The following TTLL11 variants were observed in gnomAD, a reference collection of about 807,000 sequenced individuals.
TTLL11 encodes the protein tubulin tyrosine ligase like 11.
TTLL11 carries 42 observed loss-of-function variants against 51.7 expected under a neutral mutation model. The ratio of observed to expected loss-of-function variants is 0.81; its 90% CI spans 0.64 to 1.05. The LOEUF is 1.05. TTLL11 is among the 50% of genes least tolerant of loss of function. The pLI, the probability that TTLL11 is intolerant of heterozygous loss-of-function variation, is 0.00. For missense variants in TTLL11, 799 were observed against 940.4 expected, an observed-to-expected ratio of 0.85 and a Z score of 1.97; for synonymous variants, 381 against 383.5, an observed-to-expected ratio of 0.99 and a Z score of 0.08.
rs754727568 is a variant in TTLL11 at position 121,820,997 on chromosome 9, A to G, written c.*1590T>C. 3.3e-5 allele frequency among the ~76,000 whole-genome samples: 5 copies of G among 151,798 alleles called. No individual in the cohort carries two copies. The highest frequency in any genetic ancestry group is 5.9e-5 in the Non-Finnish European group (4 of 67,972). ...GGGGAAACAGGTTTTCCTCTTTGAG[A>G]GGGTGAACTCCTGGCAGGAAGGAGC... On this transcript the variant is annotated 3_prime_UTR_variant, in exon 9 of 9. Transcript: ENST00000321582.
chr9:121,978,670 C>T (rs1260414188), intron 4 of TTLL11, among the ~76,000 whole-genome samples: 1 of 152,098 alleles, frequency 6.6e-6, no homozygotes, highest in African/African-American at 2.4e-5. Context: ...ACTTGAGGGG[C>T]TCCCTGGGGG....
chr9:121,876,657 A>G (rs1392635841), intron 6 of TTLL11, among the ~76,000 whole-genome samples: 1 of 152,188 alleles, frequency 6.6e-6, no homozygotes, highest in East Asian at 1.9e-4. Flanking sequence ...GCTGGAGACG[A>G]ATAAATCTGC....
At chr9:121,968,557 CTTTT>C (rs1197676450) in intron 6 of TTLL11, among the ~76,000 whole-genome samples, 2 of 152,100 alleles carry the variant, frequency 1.3e-5, no homozygotes, top group Non-Finnish European at 2.9e-5. Context: ...TACTTTCTTT[CTTTT>C]TTATTTTCTT....
intron 3 of TTLL11, among the ~76,000 whole-genome samples, chr9:122,018,622 A>G (rs562202827): frequency 6.6e-6 from 1 of 152,308 alleles, no homozygotes; most frequent in African/African-American, 2.4e-5. Context: ...AGTCGAGGAG[A>G]GGGAACCAAG....
chr9:122,015,593 C>A (rs74335435), intron 3 of TTLL11, among the ~76,000 whole-genome samples: 2 of 152,254 alleles, frequency 1.3e-5, no homozygotes, highest in Non-Finnish European at 2.9e-5. Flanking sequence ...AGGCTTACTG[C>A]AGACGTGTGA....
chr9:122,009,136 A>T (rs928009977), intron 3 of TTLL11, among the ~76,000 whole-genome samples: 5 of 152,194 alleles, frequency 3.3e-5, no homozygotes, highest in African/African-American at 1.2e-4. Flanking sequence ...AGTTAATAAC[A>T]ATGTATTGTA....
At chr9:122,030,206 G>T (rs537449067) in intron 3 of TTLL11, among the ~76,000 whole-genome samples, 4 of 145,414 alleles carry the variant, frequency 2.8e-5, no homozygotes, top group East Asian at 4.3e-4. Context: ...AGACATTGGG[G>T]GGGGGGGGGT....
intron 1 of TTLL11, among the ~76,000 whole-genome samples, chr9:122,041,852 A>G (rs558269098): frequency 7.9e-4 from 121 of 152,222 alleles, no homozygotes; most frequent in Non-Finnish European, 1.0e-3. Context: ...TACTACCTAA[A>G]ATGGTCTACA....
chr9:122,050,319 T>C (rs751009128), intron 1 of TTLL11, among the ~76,000 whole-genome samples: 1 of 152,196 alleles, frequency 6.6e-6, no homozygotes, highest in Non-Finnish European at 1.5e-5. Flanking sequence ...ATATCGCGTG[T>C]CATTAGGACA....
intron 3 of TTLL11, among the ~76,000 whole-genome samples, chr9:122,016,610 G>A (rs947330756): frequency 6.6e-6 from 1 of 152,062 alleles, no homozygotes; most frequent in African/African-American, 2.4e-5. Context: ...GTTCTCTGGG[G>A]GTTTTTGCAA....
chr9:122,063,956 A>G (rs1845501864), intron 1 of TTLL11, among the ~76,000 whole-genome samples: 1 of 152,218 alleles, frequency 6.6e-6, no homozygotes, highest in Non-Finnish European at 1.5e-5. Context: ...GGTATTCCTA[A>G]GTGTTAGGAA....
intron 4 of TTLL11, among the ~76,000 whole-genome samples, chr9:121,985,489 G>A (rs1045632609): frequency 6.0e-5 from 9 of 150,676 alleles, no homozygotes; most frequent in African/African-American, 2.2e-4. Context: ...GGGCTCCAAG[G>A]AGAAAAGGAT....
At chr9:122,050,082 C>G (rs768929758) in intron 1 of TTLL11, among the ~76,000 whole-genome samples, 1 of 152,112 alleles carries the variant, frequency 6.6e-6, no homozygotes, top group Non-Finnish European at 1.5e-5. Context: ...CACCACACCC[C>G]ACTCAGAGAC....
chr9:122,019,410 T>C (rs1844098729), intron 3 of TTLL11, among the ~76,000 whole-genome samples: 1 of 152,174 alleles, frequency 6.6e-6, no homozygotes, highest in African/African-American at 2.4e-5. Flanking sequence ...ATCTACCCTC[T>C]CCTTCTCAAA....
chr9:121,924,985 C>T (rs534568357), intron 6 of TTLL11, among the ~76,000 whole-genome samples: 17 of 152,220 alleles, frequency 1.1e-4, no homozygotes, highest in South Asian at 6.2e-4. Context: ...TGTTTCTTTT[C>T]GACCTGTTTT....
At chr9:121,884,141 C>T (rs141067306) in intron 6 of TTLL11, among the ~76,000 whole-genome samples, 81 of 152,296 alleles carry the variant, frequency 5.3e-4, no homozygotes, top group Non-Finnish European at 8.1e-4. Flanking sequence ...TAGAGGCTGC[C>T]GTCCCCATCC....
chr9:121,899,382 T>TATATATATATATATATATAC (rs1839675361), intron 6 of TTLL11, among the ~76,000 whole-genome samples: 1 of 113,346 alleles, frequency 8.8e-6, no homozygotes, highest in Non-Finnish European at 1.9e-5. Flanking sequence ...TATATACATA[T>TATATATATATATATATATAC]ATATATATAT....
intron 1 of TTLL11, among the ~76,000 whole-genome samples, chr9:122,061,774 AC>A (rs1249447336): frequency 2.0e-5 from 3 of 151,880 alleles, no homozygotes; most frequent in Non-Finnish European, 2.9e-5. Context: ...AGTAGCTGGG[AC>A]TATAGACACC....
chr9:121,887,653 A>G (rs1839062035), intron 6 of TTLL11, among the ~76,000 whole-genome samples: 2 of 152,318 alleles, frequency 1.3e-5, no homozygotes, highest in South Asian at 4.1e-4. Flanking sequence ...GGATAGAGAG[A>G]CGGCCAGAAG....
Sources: gnomAD v4.1 joint callset for allele counts (sites outside exome capture counted in the v4.1 genomes callset) on GRCh38, gnomAD v4.1.1 for gene constraint, MANE v1.5 for transcripts, NCBI Gene and HGNC (gene_info 2026-07-23, HGNC 2026-07-21) for gene names.